The following RIMBP2 variants were observed in gnomAD, a reference collection of about 807,000 sequenced individuals.
RIMBP2 encodes RIMS binding protein 2, also known as RIMS-binding protein 2.
In RIMBP2, 48 loss-of-function variants were observed where a neutral mutation model predicts 118.6. The observed-to-expected ratio is 0.40, with a 90% confidence interval of 0.32 to 0.51. RIMBP2 has a LOEUF of 0.51. Among genes scored for constraint, RIMBP2 ranks in the 20% least tolerant of loss-of-function variants. The pLI is 0.41. For missense variants in RIMBP2, 1,551 were observed against 1,768.3 expected, an observed-to-expected ratio of 0.88 and a Z score of 2.20; for synonymous variants, 762 against 742.9, an observed-to-expected ratio of 1.03 and a Z score of -0.42.
At position 130,522,536 on chromosome 12, in the gene RIMBP2, C is replaced by T. The variant is rs185787217; in HGVS notation, c.-216-4619G>A. 1.7e-3 allele frequency among the ~76,000 whole-genome samples: 266 copies of T among 152,334 alleles called. 1 individual carries two copies. The highest frequency in any genetic ancestry group is 2.9e-3 in the Non-Finnish European group (195 of 68,022). ...CCTGTTTGGATATGGTGGCTACTAA[C>T]TCAAAACACACATACCATGGGCTCC... On this transcript the variant is annotated intron_variant, in intron 2 of 22. Coordinates refer to ENST00000690449, the MANE Select transcript of RIMBP2 (RefSeq NM_001393629.1).
At chr12:130,455,981 G>A (rs1401245101) in intron 7 of RIMBP2, among the ~76,000 whole-genome samples, 9 of 152,286 alleles carry the variant, frequency 5.9e-5, no homozygotes, top group African/African-American at 9.6e-5. Context: ...TGTGATGGGC[G>A]AGGGCTCATG....
rs1312379727 is a variant in RIMBP2 at position 130,396,943 on chromosome 12, A to C, written c.*418T>G. The C allele has an allele frequency of 6.5e-6, 1 of 153,346 alleles. No individual in the cohort carries two copies. Among genetic ancestry groups the C allele is most frequent in the African/African-American group, 2.4e-5 (1 of 41,536 alleles). 9.5% of individuals were successfully genotyped at this position (153,346 alleles called of 1,614,324 possible). ...AACATCAAGGCGAATTAAACTAGGA[A>C]TTTCAAGACCAGAGTCAAAGTGAAA... On this transcript the variant is annotated 3_prime_UTR_variant, in exon 23 of 23. Coordinates refer to ENST00000690449, the MANE Select transcript of RIMBP2 (RefSeq NM_001393629.1).
At chr12:130,496,815 G>A (rs1049122129) in intron 4 of RIMBP2, among the ~76,000 whole-genome samples, 2 of 152,160 alleles carry the variant, frequency 1.3e-5, no homozygotes, top group Non-Finnish European at 2.9e-5. Context: ...CTCTCCCTGA[G>A]GAGTGGGACC....
chr12:130,581,535 C>T lies in RIMBP2; in HGVS notation c.-217+46787G>A, dbSNP rs1158599896. On this transcript the variant is annotated intron_variant, in intron 2 of 22. Transcript: ENST00000690449. The surrounding 1 kb of genome is among the most constrained non-coding windows in gnomAD (Gnocchi z 4.4). The stretch of plus-strand genomic sequence containing the variant: ...GAAGCCGAGCTCCTGGCCTTCCTGC[C>T]AGTCTCCCCACCCCACAGCCCTCCC... Among the ~76,000 whole-genome samples, 1 of 152,222 alleles carries T rather than the reference C, an allele frequency of 6.6e-6. No individual in the cohort carries two copies. Among genetic ancestry groups the T allele is most frequent in the Non-Finnish European group, 1.5e-5 (1 of 68,042 alleles).
intron 2 of RIMBP2, among the ~76,000 whole-genome samples, chr12:130,624,497 C>T (rs1028666914): frequency 7.2e-5 from 11 of 151,908 alleles, no homozygotes; most frequent in Admixed American, 3.9e-4. Context: ...TTTGTGTATG[C>T]GTGGGGAAAG....
chr12:130,597,232 G>A (rs950666655), intron 2 of RIMBP2, among the ~76,000 whole-genome samples: 2 of 152,106 alleles, frequency 1.3e-5, no homozygotes, highest in South Asian at 2.1e-4. Flanking sequence ...AAAGCCCATC[G>A]TTTTTATTTT....
chr12:130,522,285 C>G (rs1396713659), intron 2 of RIMBP2, among the ~76,000 whole-genome samples: 2 of 152,236 alleles, frequency 1.3e-5, no homozygotes, highest in African/African-American at 4.8e-5. Context: ...CAAGGCAAGC[C>G]TTTCAAACGC....
At chr12:130,506,349 A>T (rs1593569534) in intron 4 of RIMBP2, among the ~76,000 whole-genome samples, 1 of 152,040 alleles carries the variant, frequency 6.6e-6, no homozygotes, top group Admixed American at 6.6e-5. Context: ...ACGTAGGCAG[A>T]CTCCATTTCC....
At position 130,576,818 on chromosome 12, in the gene RIMBP2, C is replaced by A. The variant is rs961755029; in HGVS notation, c.-217+51504G>T. 6.6e-6 allele frequency among the ~76,000 whole-genome samples: 1 copy of A among 152,198 alleles called. No homozygotes were observed. The highest frequency in any genetic ancestry group is 1.5e-5 in the Non-Finnish European group (1 of 68,038). Reference sequence around the variant, plus strand: ...CACCAGGATGGAGATTGCAGGATGGCGTGTTTCCATCGCGTGTCCAGGCGC... The same window carrying A: ...CACCAGGATGGAGATTGCAGGATGGAGTGTTTCCATCGCGTGTCCAGGCGC... On this transcript the variant is annotated intron_variant, in intron 2 of 22. Transcript: ENST00000690449. This position sits in a 1 kb window ranked among gnomAD's most constrained non-coding sequence, Gnocchi z 4.2.
intron 2 of RIMBP2, among the ~76,000 whole-genome samples, chr12:130,611,520 T>A (rs1434293371): frequency 6.6e-6 from 1 of 152,208 alleles, no homozygotes; most frequent in Non-Finnish European, 1.5e-5. Flanking sequence ...CGGGCTTCGC[T>A]GCAGGTGTAA....
chr12:130,702,591 G>GAA (rs2065913901), intron 1 of RIMBP2, among the ~76,000 whole-genome samples: 1 of 151,392 alleles, frequency 6.6e-6, no homozygotes, highest in African/African-American at 2.4e-5. Flanking sequence ...AAGGAAGAAG[G>GAA]GAGGGAGGAA....
chr12:130,424,673 C>T lies in RIMBP2; in HGVS notation c.2598G>A (p.Glu866=), dbSNP rs1319471300. 21 of 1,231,868 alleles carry T rather than the reference C, an allele frequency of 1.7e-5. No individual in the cohort carries two copies. Among genetic ancestry groups the T allele is most frequent in the Non-Finnish European group, 2.1e-5 (21 of 987,914 alleles). The allele number at this position is 1,231,868 out of a possible 1,614,324, so 76.3% of individuals were successfully genotyped here. A position where few individuals can be genotyped will look rare whatever the true frequency, so the allele number is the denominator to read the frequency against. ...SPRARTGLAR[E]PRPGRPYRGD... Reference sequence around the variant, plus strand: ...CCCTGTAGGGCCTGCCGGGCCTGGGCTCTCTGGCCAGCCCCGTCCTGGCCC... The same window carrying T: ...CCCTGTAGGGCCTGCCGGGCCTGGGTTCTCTGGCCAGCCCCGTCCTGGCCC... The change falls in exon 16 of 23, where the codon GAG becomes GAA. Residue 866 remains glutamate (E), a synonymous_variant. Transcript: ENST00000690449. The surrounding 1 kb of genome is among the most constrained non-coding windows in gnomAD (Gnocchi z 9.8).
intron 1 of RIMBP2, among the ~76,000 whole-genome samples, chr12:130,636,198 C>T (rs1219493857): frequency 6.6e-6 from 1 of 152,176 alleles, no homozygotes; most frequent in East Asian, 1.9e-4. Flanking sequence ...ACATGGCTGG[C>T]TCTATTGTCT....
chr12:130,438,335 A>AGCCCCCCC, intron 12 of RIMBP2, 30 bp downstream of exon 12: 2 of 865,010 alleles, frequency 2.3e-6, no homozygotes, highest in Non-Finnish European at 3.8e-6. Flanking sequence ...GGCCTAACAA[A>AGCCCCCCC]CCCTCCCCAC....
chr12:130,684,024 G>A (rs12578626), intron 1 of RIMBP2, among the ~76,000 whole-genome samples: 51,276 of 151,892 alleles, frequency 0.34, 10,350 homozygotes, highest in African/African-American at 0.55. Context: ...TAAGAGTCTG[G>A]CACCTTTATA....
chr12:130,443,144 C>T lies in RIMBP2; in HGVS notation c.692-484G>A, dbSNP rs565423086. On this transcript the variant is annotated intron_variant, in intron 10 of 22. Coordinates refer to ENST00000690449, the MANE Select transcript of RIMBP2 (RefSeq NM_001393629.1). ...TAAGAATTAAAAGGTGATTTCCTGG[C>T]CCCCTTGAAAAGCACTGGGCACATC... Among the ~76,000 whole-genome samples, 5 of 152,200 alleles carry T rather than the reference C, an allele frequency of 3.3e-5. No homozygotes were observed. The East Asian group carries it at 5.8e-4, about 18-fold the overall frequency.
chr12:130,399,614 G>A (rs1438318191), intron 22 of RIMBP2, 65 bp downstream of exon 22: 1 of 1,563,296 alleles, frequency 6.4e-7, no homozygotes, highest in Non-Finnish European at 8.7e-7. Flanking sequence ...TCAGTGCAAA[G>A]ATTGTATTAG....
At chr12:130,462,816 C>A (rs2080123524) in intron 6 of RIMBP2, among the ~76,000 whole-genome samples, 1 of 152,244 alleles carries the variant, frequency 6.6e-6, no homozygotes, top group Non-Finnish European at 1.5e-5. Context: ...TGCTTGTCCA[C>A]CAGCACGTGC....
At chr12:130,616,212 G>T (rs1010704993) in intron 2 of RIMBP2, among the ~76,000 whole-genome samples, 3 of 152,130 alleles carry the variant, frequency 2.0e-5, no homozygotes, top group Non-Finnish European at 4.4e-5. Context: ...ATCTGAAGAA[G>T]ATGACTAGAC....
Sources: allele counts gnomAD v4.1 joint callset (sites outside exome capture counted in the v4.1 genomes callset), GRCh38; gene constraint gnomAD v4.1.1; non-coding constraint Gnocchi (gnomAD v3.1); transcripts MANE v1.5; gene names NCBI Gene and HGNC (gene_info 2026-07-23, HGNC 2026-07-21).